Variants in FERMT2 observed in about 807,000 individuals in gnomAD.
The protein encoded by FERMT2 is fermitin family homolog 2.
A neutral mutation model predicts 82.7 loss-of-function variants in FERMT2; 15 were observed. The ratio of observed to expected loss-of-function variants is 0.18; its 90% CI spans 0.12 to 0.28. FERMT2 has a LOEUF of 0.28. FERMT2 is among the 10% of genes least tolerant of loss of function. The pLI is 1.00. For synonymous variants in FERMT2, 274 were observed against 271.5 expected (o/e 1.01, Z -0.09); for missense variants, 645 against 809.4 (o/e 0.80, Z 2.46).
chr14:52,947,906 T>C (rs550635389), intron 2 of FERMT2, among the ~76,000 whole-genome samples: 18 of 152,364 alleles, frequency 1.2e-4, no homozygotes, highest in African/African-American at 4.1e-4. Flanking sequence ...TTGCTGCTAC[T>C]GAACATTATC....
chr14:52,860,932 T>C lies in FERMT2; in HGVS notation c.1603-467A>G, dbSNP rs565056386. 134 of 955,890 alleles carry C rather than the reference T, an allele frequency of 1.4e-4. No homozygotes were observed. The African/African-American group carries it at 2.1e-3, about 15-fold the overall frequency. 59.2% of individuals were successfully genotyped at this position (955,890 alleles called of 1,614,324 possible). A position where few individuals can be genotyped will look rare whatever the true frequency, so the allele number is the denominator to read the frequency against. ...CTATTTTAAATTTAAATTTCACTAC[T>C]GGGGTAAATTCCATGAGGGAAGGTT... is the stretch of plus-strand genomic sequence containing the variant. On this transcript the variant is annotated intron_variant, in intron 12 of 14. Transcript: ENST00000341590.
Position 52,873,009 on chromosome 14 carries a change from A to G in FERMT2, c.1149-86T>C, listed in dbSNP as rs1223498490. 4.5e-6 allele frequency: 6 copies of G among 1,328,258 alleles called. No homozygotes were observed. In the African/African-American group the frequency reaches 8.7e-5, roughly 19 times the overall value. The allele number at this position is 1,328,258 out of a possible 1,614,324, so 82.3% of individuals were successfully genotyped here. A position where few individuals can be genotyped will look rare whatever the true frequency, so the allele number is the denominator to read the frequency against. On this transcript the variant is annotated intron_variant, in intron 9 of 14. Transcript: ENST00000341590. Reference sequence around the variant, plus strand: ...TAGCAAAGTTTCACAATATTAATTTAAGTCTGGGGTCAAGTTTTACACGTG... The same window carrying G: ...TAGCAAAGTTTCACAATATTAATTTGAGTCTGGGGTCAAGTTTTACACGTG...
At chr14:52,940,641 A>G (rs1890048911) in intron 2 of FERMT2, among the ~76,000 whole-genome samples, 1 of 152,232 alleles carries the variant, frequency 6.6e-6, no homozygotes, top group Non-Finnish European at 1.5e-5. Flanking sequence ...TACATTACAC[A>G]TTCCAAAGAG....
At chr14:52,936,160 G>C (rs1391261957) in intron 2 of FERMT2, among the ~76,000 whole-genome samples, 1 of 152,224 alleles carries the variant, frequency 6.6e-6, no homozygotes. Flanking sequence ...TGGACTTAGA[G>C]AAGTATTAGT....
Position 52,858,047 on chromosome 14 carries a change from G to A in FERMT2, c.*330C>T. The A allele has an allele frequency of 7.9e-6, 2 of 254,058 alleles. No individual in the cohort carries two copies. The highest frequency in any genetic ancestry group is 4.7e-5 in the Admixed American group (1 of 21,060). The allele number at this position is 254,058 out of a possible 1,614,324, so 15.7% of individuals were successfully genotyped here. A position where few individuals can be genotyped will look rare whatever the true frequency, so the allele number is the denominator to read the frequency against. ...ATAGAGTTCATATAGGTTAAGCCCT[G>A]GATAGCTTTAAAATAGATGGCTTGT... is the stretch of plus-strand genomic sequence containing the variant. On this transcript the variant is annotated 3_prime_UTR_variant, in exon 15 of 15. Coordinates refer to ENST00000341590, the MANE Select transcript of FERMT2 (RefSeq NM_006832.3).
intron 3 of FERMT2, 80 bp from the exon 4 acceptor site, chr14:52,893,507 T>C (rs1887074944): frequency 9.2e-7 from 1 of 1,091,692 alleles, no homozygotes; most frequent in African/African-American, 1.6e-5. Context: ...TGTTTCAAGA[T>C]AAGAATGTGT....
At chr14:52,933,153 T>C (rs1189873305) in intron 2 of FERMT2, among the ~76,000 whole-genome samples, 1 of 152,222 alleles carries the variant, frequency 6.6e-6, no homozygotes, top group Non-Finnish European at 1.5e-5. Flanking sequence ...ATCTAATCCT[T>C]ATATCTTTGA....
At chr14:52,947,588 CGTTA>C (rs1890419914) in intron 2 of FERMT2, among the ~76,000 whole-genome samples, 2 of 152,124 alleles carry the variant, frequency 1.3e-5, no homozygotes, top group African/African-American at 4.8e-5. Context: ...AAAGTGTACA[CGTTA>C]TTTATAATAA....
intron 14 of FERMT2, 22 bp from the exon 15 acceptor site, chr14:52,858,572 T>A: frequency 1.2e-6 from 2 of 1,612,616 alleles, no homozygotes; most frequent in Non-Finnish European, 1.7e-6. Flanking sequence ...ACAAGAGCCA[T>A]CAGTGCTGTC....
intron 9 of FERMT2, 63 bp from the exon 10 acceptor site, chr14:52,872,986 G>C: frequency 6.7e-7 from 1 of 1,499,046 alleles, no homozygotes; most frequent in Non-Finnish European, 9.2e-7. Flanking sequence ...CGCTGTATTA[G>C]CAAAGTTTCA....
intron 10 of FERMT2, among the ~76,000 whole-genome samples, chr14:52,871,176 T>C (rs551732649): frequency 1.3e-5 from 2 of 152,230 alleles, no homozygotes; most frequent in African/African-American, 4.8e-5. Context: ...TCTAACCCCT[T>C]AGCTCTATTC....
intron 3 of FERMT2, among the ~76,000 whole-genome samples, chr14:52,915,951 C>T (rs2139629071): frequency 6.6e-6 from 1 of 152,298 alleles, no homozygotes; most frequent in South Asian, 2.1e-4. Flanking sequence ...CAGATGTTTA[C>T]AGCAGCTTTA....
intron 3 of FERMT2, among the ~76,000 whole-genome samples, chr14:52,915,811 G>A (rs1202364905): frequency 6.6e-6 from 1 of 152,044 alleles, no homozygotes; most frequent in African/African-American, 2.4e-5. Context: ...ACGAACAAAG[G>A]TTTATAATAG....
At chr14:52,866,614 A>T (rs371979018) in intron 10 of FERMT2, among the ~76,000 whole-genome samples, 22 of 152,284 alleles carry the variant, frequency 1.4e-4, no homozygotes, top group Admixed American at 1.0e-3. Flanking sequence ...TTCACTACAG[A>T]TTCATGGATA....
intron 3 of FERMT2, among the ~76,000 whole-genome samples, chr14:52,915,006 A>G (rs1279614246): frequency 6.6e-6 from 1 of 152,210 alleles, no homozygotes; most frequent in Non-Finnish European, 1.5e-5. Flanking sequence ...TTTATCAAAG[A>G]GTTCAGTAAG....
chr14:52,901,194 T>C (rs965765204), intron 3 of FERMT2, among the ~76,000 whole-genome samples: 1 of 136,044 alleles, frequency 7.4e-6, no homozygotes, highest in South Asian at 2.3e-4. Context: ...GGCAGGAGAA[T>C]GGCTTGAACC....
intron 2 of FERMT2, among the ~76,000 whole-genome samples, chr14:52,945,926 G>A (rs1027639449): frequency 6.6e-6 from 1 of 152,338 alleles, no homozygotes; most frequent in East Asian, 1.9e-4. Context: ...TGCCAGGCTG[G>A]AGTGCAGTGG....
At chr14:52,927,592 T>TGAAAAAAAAAAAAAAAAA (rs1889350559) in intron 2 of FERMT2, among the ~76,000 whole-genome samples, 1 of 33,714 alleles carries the variant, frequency 3.0e-5, no homozygotes, top group Non-Finnish European at 5.1e-5. Context: ...CTCATCCCTA[T>TGAAAAAAAAAAAAAAAAA]AAAAAAAAAA....
intron 2 of FERMT2, among the ~76,000 whole-genome samples, chr14:52,942,775 C>G (rs948886432): frequency 6.6e-6 from 1 of 152,174 alleles, no homozygotes; most frequent in African/African-American, 2.4e-5. Flanking sequence ...CCTCCATCAG[C>G]ACCTACTACA....
Sources: allele counts gnomAD v4.1 joint callset (sites outside exome capture counted in the v4.1 genomes callset), GRCh38; gene constraint gnomAD v4.1.1; transcripts MANE v1.5; gene names NCBI Gene and HGNC (gene_info 2026-07-23, HGNC 2026-07-21).